Variants in AGBL4 observed in about 807,000 individuals in gnomAD.
The protein encoded by AGBL4 is cytosolic carboxypeptidase 6.
In AGBL4, 58 loss-of-function variants were observed where a neutral mutation model predicts 66.4. That is an observed-to-expected ratio of 0.87 (90% CI 0.71 to 1.09). The LOEUF (loss-of-function observed/expected upper bound fraction) is 1.09. Among genes scored for constraint, AGBL4 ranks in the 50% least tolerant of loss-of-function variants. AGBL4 has a pLI of 0.00. For synonymous variants in AGBL4, 234 were observed against 222.9 expected, an observed-to-expected ratio of 1.05 and a Z score of -0.44; for missense variants, 579 against 631.0, an observed-to-expected ratio of 0.92 and a Z score of 0.88.
At chr1:48,884,975 AT>A (rs1299715294) in intron 5 of AGBL4, among the ~76,000 whole-genome samples, 2 of 14,110 alleles carry the variant, frequency 1.4e-4, no homozygotes, top group South Asian at 6.3e-3. Flanking sequence ...AGAGAGGCAG[AT>A]TTAAAAAAAA....
intron 6 of AGBL4, among the ~76,000 whole-genome samples, chr1:48,838,369 A>T (rs1055751526): frequency 6.6e-6 from 1 of 152,074 alleles, no homozygotes; most frequent in Non-Finnish European, 1.5e-5. Flanking sequence ...AGAATAGAAA[A>T]CCCAGAAATA....
At chr1:49,855,259 T>C (rs1646404447) in intron 1 of AGBL4, among the ~76,000 whole-genome samples, 1 of 152,076 alleles carries the variant, frequency 6.6e-6, no homozygotes, top group African/African-American at 2.4e-5. Flanking sequence ...CATCCAGATA[T>C]ATAAAGCAAA....
chr1:49,468,525 C>T (rs1021014635), intron 3 of AGBL4, among the ~76,000 whole-genome samples: 1 of 151,802 alleles, frequency 6.6e-6, no homozygotes, highest in Non-Finnish European at 1.5e-5. Flanking sequence ...GGATAATTTG[C>T]CTCATGTCAG....
chr1:48,893,113 A>T (rs1651133605), intron 5 of AGBL4, among the ~76,000 whole-genome samples: 1 of 152,132 alleles, frequency 6.6e-6, no homozygotes, highest in Non-Finnish European at 1.5e-5. Flanking sequence ...CTAAATAAAC[A>T]CATACTTGCC....
At chr1:49,014,833 A>G (rs1571234395) in intron 5 of AGBL4, among the ~76,000 whole-genome samples, 1 of 152,318 alleles carries the variant, frequency 6.6e-6, no homozygotes, top group Non-Finnish European at 1.5e-5. Flanking sequence ...TCTGAGAGTG[A>G]AAGACAATGT....
chr1:49,952,108 A>T (rs1656209856), intron 1 of AGBL4, among the ~76,000 whole-genome samples: 1 of 151,896 alleles, frequency 6.6e-6, no homozygotes, highest in Admixed American at 6.6e-5. Flanking sequence ...CATTGTGAAT[A>T]TATTTAATGC....
At chr1:48,605,378 C>T (rs1645139391) in intron 9 of AGBL4, among the ~76,000 whole-genome samples, 1 of 152,196 alleles carries the variant, frequency 6.6e-6, no homozygotes, top group African/African-American at 2.4e-5. Context: ...AGCTTCCAGA[C>T]TGTGTGATGC....
At chr1:49,544,611 A>G (rs1652332259) in intron 3 of AGBL4, among the ~76,000 whole-genome samples, 1 of 152,222 alleles carries the variant, frequency 6.6e-6, no homozygotes, top group African/African-American at 2.4e-5. Flanking sequence ...CACTTCTGCT[A>G]CCATTTTAAG....
At chr1:49,289,095 T>TG (rs1395659663) in intron 3 of AGBL4, among the ~76,000 whole-genome samples, 1 of 151,836 alleles carries the variant, frequency 6.6e-6, no homozygotes, top group Non-Finnish European at 1.5e-5. Context: ...TTTAAGGTAT[T>TG]GACAGGGGCT....
chr1:49,044,912 A>G (rs1462232516), intron 5 of AGBL4, among the ~76,000 whole-genome samples: 1 of 152,176 alleles, frequency 6.6e-6, no homozygotes, highest in Non-Finnish European at 1.5e-5. Flanking sequence ...AGTGAGACTC[A>G]TTTTGTATTT....
intron 3 of AGBL4, among the ~76,000 whole-genome samples, chr1:49,602,835 A>T (rs1371777116): frequency 6.6e-6 from 1 of 150,380 alleles, no homozygotes; most frequent in Non-Finnish European, 1.5e-5. Context: ...AAATAAATAA[A>T]TAAATAAATA....
chr1:48,980,678 T>C (rs1659675712), intron 5 of AGBL4, among the ~76,000 whole-genome samples: 1 of 137,424 alleles, frequency 7.3e-6, no homozygotes, highest in African/African-American at 2.8e-5. Context: ...CTTAAAAGAA[T>C]AGGTGGTGAT....
In AGBL4 at chr1:48,594,472, G is replaced by A. The variant is rs546694371; in HGVS notation, c.952-3487C>T. 4.6e-5 allele frequency among the ~76,000 whole-genome samples: 7 copies of A among 152,220 alleles called. No homozygotes were observed. In the East Asian group the frequency reaches 1.3e-3, roughly 29 times the overall value. ...TGACTTAGAGAAGCTATGTATTATA[G>A]AAATTAACCTTTATGTGTAATATAA... On this transcript the variant is annotated intron_variant, in intron 9 of 13. Coordinates refer to ENST00000371839, the MANE Select transcript of AGBL4 (RefSeq NM_032785.4).
At chr1:49,460,994 AG>A (rs1281126475) in intron 3 of AGBL4, among the ~76,000 whole-genome samples, 3 of 151,644 alleles carry the variant, frequency 2.0e-5, no homozygotes, top group Admixed American at 6.6e-5. Flanking sequence ...TTTCCTTTGT[AG>A]GGTACCTGAC....
chr1:49,401,404 T>C (rs578100430), intron 3 of AGBL4, among the ~76,000 whole-genome samples: 2 of 152,344 alleles, frequency 1.3e-5, no homozygotes, highest in African/African-American at 2.4e-5. Context: ...AGCCAAATCA[T>C]ATCACACATC....
intron 4 of AGBL4, among the ~76,000 whole-genome samples, chr1:49,116,376 C>A (rs186411640): frequency 6.6e-6 from 1 of 152,298 alleles, no homozygotes; most frequent in African/African-American, 2.4e-5. Context: ...TCCATATCCC[C>A]ACCCCGCCAA....
At chr1:49,783,204 A>G (rs1343108010) in intron 2 of AGBL4, among the ~76,000 whole-genome samples, 1 of 152,168 alleles carries the variant, frequency 6.6e-6, no homozygotes, top group African/African-American at 2.4e-5. Flanking sequence ...TAAAGAATGA[A>G]TTAGTATTTT....
chr1:49,483,174 T>C (rs1223480652), intron 3 of AGBL4, among the ~76,000 whole-genome samples: 2 of 152,100 alleles, frequency 1.3e-5, no homozygotes, highest in Non-Finnish European at 2.9e-5. Context: ...TCTTTGTTAA[T>C]TTTCTGTCTT....
chr1:48,649,586 A>C lies in AGBL4; in HGVS notation c.839+3751T>G, dbSNP rs148973061. 1.1e-4 allele frequency among the ~76,000 whole-genome samples: 17 copies of C among 152,350 alleles called. No individual in the cohort carries two copies. The East Asian group carries it at 3.3e-3, about 29-fold the overall frequency. On this transcript the variant is annotated intron_variant, in intron 8 of 13. Transcript: ENST00000371839. ...TTAGAAAATGTTGCTGTTCTTTAAC[A>C]TAAAGAGCTTGATCTATCATGGTAT...
Sources: allele counts gnomAD v4.1 joint callset (sites outside exome capture counted in the v4.1 genomes callset), GRCh38; gene constraint gnomAD v4.1.1; transcripts MANE v1.5; gene names NCBI Gene and HGNC (gene_info 2026-07-23, HGNC 2026-07-21).